Variants in RORB observed in about 807,000 individuals in gnomAD.
RORB encodes RAR related orphan receptor B.
Under a neutral mutation model 59.1 loss-of-function variants are expected in RORB, and 6 were observed. That is an observed-to-expected ratio of 0.10 (90% CI 0.06 to 0.20). The LOEUF is 0.20. Among genes scored for constraint, RORB ranks in the 10% least tolerant of loss-of-function variants. RORB has a pLI of 1.00. For missense variants in RORB, 320 were observed against 560.5 expected, an observed-to-expected ratio of 0.57 and a Z score of 4.33; for synonymous variants, 215 against 204.5, an observed-to-expected ratio of 1.05 and a Z score of -0.44.
At chr9:74,584,785 A>T (rs1289339990) in intron 1 of RORB, among the ~76,000 whole-genome samples, 1 of 152,176 alleles carries the variant, frequency 6.6e-6, no homozygotes, top group African/African-American at 2.4e-5. Flanking sequence ...CCTCAGACTC[A>T]TGGAGCTATA....
chr9:74,541,717 C>T (rs1826410792), intron 1 of RORB, among the ~76,000 whole-genome samples: 1 of 152,132 alleles, frequency 6.6e-6, no homozygotes. Context: ...AACTTACAAA[C>T]ATACCTAATC....
chr9:74,506,450 C>T (rs1825871695), intron 1 of RORB, among the ~76,000 whole-genome samples: 1 of 152,046 alleles, frequency 6.6e-6, no homozygotes, highest in African/African-American at 2.4e-5. Context: ...AGTTGCTGAT[C>T]AGGCTGAAAA....
intron 1 of RORB, among the ~76,000 whole-genome samples, chr9:74,531,110 T>G (rs1447259690): frequency 6.6e-6 from 1 of 152,030 alleles, no homozygotes; most frequent in Non-Finnish European, 1.5e-5. Context: ...TGAAAAAGCC[T>G]TCAATACCTG....
At chr9:74,637,785 CTATT>C (rs931246503) in intron 3 of RORB, among the ~76,000 whole-genome samples, 2 of 152,116 alleles carry the variant, frequency 1.3e-5, no homozygotes, top group Non-Finnish European at 2.9e-5. Context: ...CCACATGTCA[CTATT>C]TAAATAATTT....
intron 8 of RORB, 134 bp from the exon 9 acceptor site, chr9:74,671,655 A>G: frequency 1.9e-6 from 1 of 513,594 alleles, no homozygotes; most frequent in Non-Finnish European, 3.6e-6. Flanking sequence ...TGTTTTATGT[A>G]AATAATGACA....
intron 1 of RORB, among the ~76,000 whole-genome samples, chr9:74,513,714 T>C (rs1825971796): frequency 6.6e-6 from 1 of 152,096 alleles, no homozygotes; most frequent in Non-Finnish European, 1.5e-5. Context: ...GTAGATATTG[T>C]AAAATTTCTG....
At chr9:74,514,588 T>G (rs1298243709) in intron 1 of RORB, among the ~76,000 whole-genome samples, 1 of 151,520 alleles carries the variant, frequency 6.6e-6, no homozygotes, top group Non-Finnish European at 1.5e-5. Context: ...CAGTAAATGT[T>G]GAATAAGTGA....
In RORB at chr9:74,691,371, G is replaced by C. The variant is rs1403132637; in HGVS notation, c.*5753G>C. 6.6e-6 allele frequency: 1 copy of C among 152,156 alleles called. No homozygotes were observed. The highest frequency in any genetic ancestry group is 2.4e-5 in the African/African-American group (1 of 41,420). 9.4% of individuals were successfully genotyped at this position (152,156 alleles called of 1,614,324 possible). On this transcript the variant is annotated 3_prime_UTR_variant, in exon 10 of 10. Coordinates refer to ENST00000376896, the MANE Select transcript of RORB (RefSeq NM_006914.4). ...TGGTGGCAAGCATTCGCGTGCCTCT[G>C]TCACAACCATACGTAGAAACACATT...
At chr9:74,534,629 T>A (rs1464546760) in intron 1 of RORB, among the ~76,000 whole-genome samples, 1 of 151,946 alleles carries the variant, frequency 6.6e-6, no homozygotes, top group Admixed American at 6.6e-5. Context: ...TGAGCCTGCC[T>A]GTCCACCCAT....
chr9:74,586,800 A>G (rs1289261953), intron 1 of RORB, among the ~76,000 whole-genome samples: 3 of 152,232 alleles, frequency 2.0e-5, no homozygotes, highest in African/African-American at 4.8e-5. Flanking sequence ...AGCATGTGCC[A>G]GTATCACTCA....
At chr9:74,592,265 T>A (rs1373955865) in intron 1 of RORB, among the ~76,000 whole-genome samples, 2 of 152,176 alleles carry the variant, frequency 1.3e-5, no homozygotes, top group African/African-American at 4.8e-5. Flanking sequence ...AAGGATTTAT[T>A]AAAAATTCAA....
chr9:74,568,338 T>A (rs1224641541), intron 1 of RORB, among the ~76,000 whole-genome samples: 1 of 150,666 alleles, frequency 6.6e-6, no homozygotes. Context: ...TAGAGAGAGG[T>A]CACCTAAAAT....
At chr9:74,682,748 T>A (rs1274183451) in intron 9 of RORB, among the ~76,000 whole-genome samples, 2 of 152,208 alleles carry the variant, frequency 1.3e-5, no homozygotes, top group African/African-American at 4.8e-5. Flanking sequence ...ATTCAATGTA[T>A]AATTTACTTT....
intron 1 of RORB, among the ~76,000 whole-genome samples, chr9:74,504,665 C>T (rs541909219): frequency 1.3e-5 from 2 of 151,936 alleles, no homozygotes; most frequent in South Asian, 2.1e-4. Context: ...AGAGGAATCA[C>T]GGACATCAGT....
chr9:74,684,696 T>A (rs1824608553), intron 9 of RORB, among the ~76,000 whole-genome samples: 1 of 152,154 alleles, frequency 6.6e-6, no homozygotes, highest in Admixed American at 6.5e-5. Flanking sequence ...CTTCCACTCA[T>A]TTTTAGAACA....
intron 4 of RORB, among the ~76,000 whole-genome samples, chr9:74,645,527 A>T (rs1374239772): frequency 6.6e-6 from 1 of 152,172 alleles, no homozygotes; most frequent in Non-Finnish European, 1.5e-5. Context: ...GTGTGTGTGG[A>T]TTAAGTGAGT....
intron 1 of RORB, among the ~76,000 whole-genome samples, chr9:74,561,361 C>T (rs545166617): frequency 5.9e-5 from 9 of 152,204 alleles, no homozygotes; most frequent in African/African-American, 1.9e-4. Context: ...AAGTAAATAT[C>T]TTATTTTTTT....
At chr9:74,580,715 C>G (rs1033374602) in intron 1 of RORB, among the ~76,000 whole-genome samples, 6 of 152,230 alleles carry the variant, frequency 3.9e-5, no homozygotes, top group African/African-American at 7.2e-5. Context: ...AACCAATTCA[C>G]AGAAATCAGC....
intron 1 of RORB, among the ~76,000 whole-genome samples, chr9:74,515,736 A>G (rs1825999922): frequency 6.6e-6 from 1 of 152,084 alleles, no homozygotes; most frequent in Non-Finnish European, 1.5e-5. Flanking sequence ...GTTAAGTAAG[A>G]GTACAACACA....
Sources: gnomAD v4.1 joint callset for allele counts (sites outside exome capture counted in the v4.1 genomes callset) on GRCh38, gnomAD v4.1.1 for gene constraint, MANE v1.5 for transcripts, NCBI Gene and HGNC (gene_info 2026-07-23, HGNC 2026-07-21) for gene names.